The following NAP1L4 variants were observed in gnomAD, a reference collection of about 807,000 sequenced individuals.
The protein encoded by NAP1L4 is nucleosome assembly protein 1-like 4.
A neutral mutation model predicts 58.2 loss-of-function variants in NAP1L4; 15 were observed. The observed-to-expected ratio is 0.26, with a 90% CI of 0.17 to 0.40. The LOEUF (loss-of-function observed/expected upper bound fraction) is 0.40, where lower values mean the gene tolerates loss of function less well. NAP1L4 is among the 10% of genes least tolerant of loss of function. NAP1L4 has a pLI of 1.00. For synonymous variants in NAP1L4, 171 were observed against 155.6 expected (o/e 1.10, Z -0.74); for missense variants, 384 against 451.1 (o/e 0.85, Z 1.35).
chr11:2,965,170 T>C (rs1329620916), intron 7 of NAP1L4, among the ~76,000 whole-genome samples: 4 of 152,260 alleles, frequency 2.6e-5, no homozygotes, highest in Non-Finnish European at 5.9e-5. Flanking sequence ...AAGAGAAGGC[T>C]AGATCGGCTA....
rs189116471 is a variant in NAP1L4, at chr11:2,977,788, T to C, written c.73+496A>G. 4.6e-3 allele frequency among the ~76,000 whole-genome samples: 702 copies of C among 150,972 alleles called. 12 individuals carry two copies. The highest frequency in any genetic ancestry group is 0.016 in the African/African-American group (668 of 41,066). On this transcript the variant is annotated intron_variant, in intron 3 of 15. Coordinates refer to ENST00000380542, the MANE Select transcript of NAP1L4 (RefSeq NM_005969.4). ...AGTTTTTTTTAATGGTGGAAAAATATCACATCTGTGAATTTATGAACAAAA... is the reference window on the plus strand; with the variant it reads ...AGTTTTTTTTAATGGTGGAAAAATACCACATCTGTGAATTTATGAACAAAA...
intron 5 of NAP1L4, 85 bp downstream of exon 5, chr11:2,972,017 T>C: frequency 1.5e-6 from 2 of 1,361,674 alleles, no homozygotes; most frequent in African/African-American, 1.5e-5. Context: ...ACCCTAGATG[T>C]TGTCAACTTA....
chr11:2,974,524 C>CA (rs935474298), intron 4 of NAP1L4, among the ~76,000 whole-genome samples: 7 of 151,640 alleles, frequency 4.6e-5, no homozygotes, highest in African/African-American at 9.7e-5. Context: ...ATCTAGTCTG[C>CA]AAAAAAAATA....
rs1197543376 is a variant in NAP1L4, at chr11:2,945,053, A to C, written c.*626T>G. 6.6e-6 allele frequency: 1 copy of C among 152,304 alleles called. No individual in the cohort carries two copies. Among genetic ancestry groups the C allele is most frequent in the Non-Finnish European group, 1.5e-5 (1 of 68,134 alleles). 9.4% of individuals were successfully genotyped at this position (152,304 alleles called of 1,614,324 possible). ...ACAACCCTGACCCACCCCTAAAAAA[A>C]AAAAAAAATCAAGAAGCAACATCCT... is the stretch of plus-strand genomic sequence containing the variant. On this transcript the variant is annotated 3_prime_UTR_variant, in exon 16 of 16. Transcript: ENST00000380542.
At chr11:2,990,056 A>G (rs913930624) in intron 1 of NAP1L4, 3 of 152,232 alleles carry the variant, frequency 2.0e-5, no homozygotes, top group Admixed American at 6.5e-5. Context: ...AATTTCTCCA[A>G]TGACTACTCC....
chr11:2,972,530 T>A (rs1356734099), intron 4 of NAP1L4, among the ~76,000 whole-genome samples: 1 of 152,222 alleles, frequency 6.6e-6, no homozygotes, highest in Non-Finnish European at 1.5e-5. Flanking sequence ...ACACTCAGCT[T>A]TTCCTTACCA....
At position 2,972,072 on chromosome 11, in the gene NAP1L4, T is replaced by C. The variant is rs764542370; in HGVS notation, c.315+30A>G. On this transcript the variant is annotated intron_variant, in intron 5 of 15. Coordinates refer to ENST00000380542, the MANE Select transcript of NAP1L4 (RefSeq NM_005969.4). ...TAACACCTTCGTAAGCTGAAAACTA[T>C]CTGTATATTAAATTAACAGAGCTCC... The C allele has an allele frequency of 2.0e-6, 3 of 1,510,494 alleles. No homozygotes were observed. The South Asian group carries it at 4.0e-5, about 20-fold the overall frequency. 93.6% of individuals were successfully genotyped at this position (1,510,494 alleles called of 1,614,324 possible). A position where few individuals can be genotyped will look rare whatever the true frequency, so the allele number is the denominator to read the frequency against.
chr11:2,949,732 T>C lies in NAP1L4; in HGVS notation c.1123-468A>G, dbSNP rs1035419765. On this transcript the variant is annotated intron_variant, in intron 14 of 15. Transcript: ENST00000380542. The surrounding 1 kb of genome is among the most constrained non-coding windows in gnomAD (Gnocchi z 4.0). ...ACATCATGTTCTCTGTAATGGCTGG[T>C]GAGAATGCTCTTTTAGAAACCTGGG... Among the ~76,000 whole-genome samples, 2 of 152,222 alleles carry C rather than the reference T, an allele frequency of 1.3e-5. No homozygotes were observed. Among genetic ancestry groups the C allele is most frequent in the South Asian group, 4.1e-4 (2 of 4,834 alleles).
intron 4 of NAP1L4, among the ~76,000 whole-genome samples, chr11:2,975,152 T>TA (rs376072968): frequency 0.13 from 18,049 of 142,464 alleles, 1,418 homozygotes; most frequent in African/African-American, 0.22. Flanking sequence ...CTCATCCCTT[T>TA]AAAAAAAAAA....
intron 1 of NAP1L4, chr11:2,989,878 A>G (rs1848851898): frequency 6.6e-6 from 1 of 152,250 alleles, no homozygotes; most frequent in Admixed American, 6.5e-5. Context: ...AAAAAGATCA[A>G]AATTCTACAG....
intron 1 of NAP1L4, among the ~76,000 whole-genome samples, chr11:2,985,106 A>G (rs1035107171): frequency 2.6e-5 from 4 of 152,262 alleles, no homozygotes; most frequent in Admixed American, 2.0e-4. Context: ...TGCATGAAAC[A>G]AAGTTTTAAC....
Position 2,976,123 on chromosome 11 carries a change from T to A in NAP1L4, c.74A>T (p.Glu25Val). 5.6e-6 allele frequency: 9 copies of A among 1,611,990 alleles called. No individual in the cohort carries two copies. Among genetic ancestry groups the A allele is most frequent in the Non-Finnish European group, 7.6e-6 (9 of 1,179,282 alleles). Residue 25 changes from glutamate to valine, a missense_variant and splice_region_variant, in exon 4 of 16, where the codon GAA becomes GTA. Glu to Val is a moderately radical substitution (Grantham distance 121, BLOSUM62 -2). Coordinates refer to ENST00000380542, the MANE Select transcript of NAP1L4 (RefSeq NM_005969.4). ...CTGCATCACCTGATCTGTGAGCTTT[T>A]CTATGAAGAGTTAAGACCAAACATA... ...VEAAKNASNT[E>V]KLTDQVMQNP...
chr11:2,956,574 G>C (rs1259622988), intron 10 of NAP1L4, among the ~76,000 whole-genome samples: 1 of 152,206 alleles, frequency 6.6e-6, no homozygotes, highest in Non-Finnish European at 1.5e-5. Context: ...GTTTGCTGCT[G>C]AGACATGAAT....
intron 7 of NAP1L4, among the ~76,000 whole-genome samples, chr11:2,968,768 G>A (rs762492627): frequency 5.9e-5 from 9 of 152,192 alleles, no homozygotes; most frequent in African/African-American, 1.7e-4. Context: ...GAATGCAGAC[G>A]TGCTGTTTCT....
intron 3 of NAP1L4, among the ~76,000 whole-genome samples, chr11:2,977,031 C>T (rs1848004410): frequency 6.6e-6 from 1 of 152,224 alleles, no homozygotes; most frequent in Non-Finnish European, 1.5e-5. Flanking sequence ...ACCAAGCAGG[C>T]ACTCAATTTT....
chr11:2,987,127 C>T (rs1263724067), intron 1 of NAP1L4, among the ~76,000 whole-genome samples: 1 of 152,078 alleles, frequency 6.6e-6, no homozygotes, highest in Non-Finnish European at 1.5e-5. Flanking sequence ...CCCTGTAGGA[C>T]ACCCCAACAT....
In NAP1L4 at chr11:2,954,750, T is replaced by C. The variant is rs1194979700; in HGVS notation, c.916-104A>G. On this transcript the variant is annotated intron_variant, in intron 11 of 15. Coordinates refer to ENST00000380542, the MANE Select transcript of NAP1L4 (RefSeq NM_005969.4). This position sits in a 1 kb window ranked among gnomAD's most constrained non-coding sequence, Gnocchi z 4.8. ...GCCCCTCACTTTTGATTTACTTAAC[T>C]TAAAACACCAAACTCCTGCACTGCT... The C allele has an allele frequency of 6.8e-7, 1 of 1,471,860 alleles. No individual in the cohort carries two copies. Among genetic ancestry groups the C allele is most frequent in the African/African-American group, 1.4e-5 (1 of 71,838 alleles). 91.2% of individuals were successfully genotyped at this position (1,471,860 alleles called of 1,614,324 possible).
intron 1 of NAP1L4, chr11:2,981,787 A>AC (rs1418630987): frequency 1.3e-5 from 2 of 152,756 alleles, no homozygotes; most frequent in Non-Finnish European, 2.9e-5. Flanking sequence ...AGATCAAGCC[A>AC]CTGCACTCCA....
intron 7 of NAP1L4, among the ~76,000 whole-genome samples, chr11:2,967,488 G>T (rs544065523): frequency 6.6e-6 from 1 of 151,896 alleles, no homozygotes; most frequent in African/African-American, 2.4e-5. Context: ...GCGGATGCCT[G>T]TAGTCCCAGC....
Sources: gnomAD v4.1 joint callset for allele counts (sites outside exome capture counted in the v4.1 genomes callset) on GRCh38, gnomAD v4.1.1 for gene constraint, Gnocchi (gnomAD v3.1) non-coding constraint, MANE v1.5 for transcripts, NCBI Gene and HGNC (gene_info 2026-07-23, HGNC 2026-07-21) for gene names.